Variants in WDHD1 observed in about 807,000 individuals in gnomAD.
The protein encoded by WDHD1 is WD repeat and HMG-box DNA binding protein 1, also known as WD repeat and HMG-box DNA-binding protein 1.
In WDHD1, 111 loss-of-function variants were observed where a neutral mutation model predicts 135.4. The observed-to-expected ratio is 0.82, with a 90% confidence interval of 0.70 to 0.96. The LOEUF is 0.96. Among genes scored for constraint, WDHD1 ranks in the 40% least tolerant of loss-of-function variants. WDHD1 has a pLI of 0.00. For synonymous variants in WDHD1, 434 were observed against 439.0 expected (o/e 0.99, Z 0.14); for missense variants, 1,351 against 1,336.3 (o/e 1.01, Z -0.17).
chr14:54,972,781 T>C (rs1010245639), intron 16 of WDHD1, among the ~76,000 whole-genome samples: 1 of 151,842 alleles, frequency 6.6e-6, no homozygotes, highest in Non-Finnish European at 1.5e-5. Context: ...AAGACTCCAT[T>C]CCAAAAAAGA....
At chr14:54,983,215 T>C (rs1352190545) in intron 15 of WDHD1, among the ~76,000 whole-genome samples, 1 of 151,948 alleles carries the variant, frequency 6.6e-6, no homozygotes, top group Non-Finnish European at 1.5e-5. Context: ...TACTCCTCAG[T>C]GTCTTTCAAA....
chr14:55,002,616 T>A (rs2041995612), intron 7 of WDHD1, among the ~76,000 whole-genome samples: 1 of 146,148 alleles, frequency 6.8e-6, no homozygotes, highest in African/African-American at 2.5e-5. Context: ...ATTACTTTTT[T>A]TTCCCCCAAG....
At position 55,019,574 on chromosome 14, in the gene WDHD1, TAATA is replaced by T. The variant is rs376415698; in HGVS notation, c.78-5982_78-5979del. ...AAGATGTATGGGATTTACTTTAAAA[TAATA>T]AAGAGTAAGGCGGGGTGTGGTGGCT... On this transcript the variant is annotated intron_variant, in intron 2 of 25. Coordinates refer to ENST00000360586, the MANE Select transcript of WDHD1 (RefSeq NM_007086.4). 8.5e-3 allele frequency among the ~76,000 whole-genome samples: 1,292 copies of T among 152,156 alleles called. 16 individuals are homozygous for T. Among genetic ancestry groups the T allele is most frequent in the African/African-American group, 0.03 (1,238 of 41,530 alleles).
At chr14:54,983,404 G>A (rs1185975986) in intron 15 of WDHD1, among the ~76,000 whole-genome samples, 2 of 152,040 alleles carry the variant, frequency 1.3e-5, no homozygotes, top group African/African-American at 2.4e-5. Context: ...TGGGGGCGGT[G>A]GCTCACGCCT....
intron 24 of WDHD1, among the ~76,000 whole-genome samples, chr14:54,954,389 C>G (rs909446513): frequency 6.6e-5 from 10 of 152,298 alleles, no homozygotes; most frequent in African/African-American, 2.2e-4. Context: ...AATAGGAATA[C>G]TCATATTGCT....
Position 54,995,699 on chromosome 14 carries a change from T to A in WDHD1, c.1057A>T (p.Ile353Phe). The change falls in exon 11 of 26, where the codon ATT (isoleucine) becomes TTT (phenylalanine). Residue 353 changes from isoleucine to phenylalanine, a missense_variant. Physicochemically the swap from Ile to Phe is conservative, Grantham distance 21. Coordinates refer to ENST00000360586, the MANE Select transcript of WDHD1 (RefSeq NM_007086.4). ...TCATCATCCTCATCATCATTTATAA[T>A]CCCTTTTGAAAAAGAAGGGATCTCA... ...AVEIPSFSKGIINDDEDDEDL... is the reference protein window; with the variant it reads ...AVEIPSFSKGFINDDEDDEDL... 1.2e-6 allele frequency: 2 copies of A among 1,613,780 alleles called. No homozygotes were observed. Among genetic ancestry groups the A allele is most frequent in the East Asian group, 2.2e-5 (1 of 44,844 alleles).
chr14:54,994,213 T>C (rs572373966), intron 11 of WDHD1, among the ~76,000 whole-genome samples: 2 of 152,356 alleles, frequency 1.3e-5, no homozygotes, highest in East Asian at 3.9e-4. Context: ...CTTTAATAGA[T>C]ACAATACTAT....
At chr14:54,964,394 A>G (rs1308106984) in intron 18 of WDHD1, among the ~76,000 whole-genome samples, 2 of 152,142 alleles carry the variant, frequency 1.3e-5, no homozygotes, top group African/African-American at 2.4e-5. Flanking sequence ...TAATCCTAGC[A>G]CTTTGGGAGA....
intron 25 of WDHD1, 45 bp downstream of exon 25, chr14:54,944,287 T>C (rs755166729): frequency 3.1e-6 from 5 of 1,594,568 alleles, no homozygotes; most frequent in East Asian, 2.3e-5. Flanking sequence ...ATTTTTTAAA[T>C]CTGGGAATTC....
At chr14:54,973,580 A>G (rs1458619054) in intron 16 of WDHD1, among the ~76,000 whole-genome samples, 2 of 152,220 alleles carry the variant, frequency 1.3e-5, no homozygotes, top group African/African-American at 4.8e-5. Flanking sequence ...TCAAGTTTGA[A>G]AGAATCTTGT....
intron 25 of WDHD1, among the ~76,000 whole-genome samples, 172 bp from the exon 26 acceptor site, chr14:54,941,862 C>T (rs2040844136): frequency 6.6e-6 from 1 of 152,146 alleles, no homozygotes; most frequent in African/African-American, 2.4e-5. Context: ...ATGCAGAGCA[C>T]ATTAAAGATT....
intron 5 of WDHD1, 23 bp downstream of exon 5, chr14:55,008,585 A>T: frequency 6.4e-7 from 1 of 1,568,726 alleles, no homozygotes; most frequent in Non-Finnish European, 8.6e-7. Flanking sequence ...AAAAACACAA[A>T]AAGAGAAGGA....
At chr14:54,942,368 C>G (rs1048273002) in intron 25 of WDHD1, among the ~76,000 whole-genome samples, 40 of 152,248 alleles carry the variant, frequency 2.6e-4, no homozygotes, top group African/African-American at 8.4e-4. Context: ...GTAGCCTTCA[C>G]CCAGTTTTCC....
chr14:55,008,199 G>A, intron 6 of WDHD1, 117 bp downstream of exon 6: 1 of 993,036 alleles, frequency 1.0e-6, no homozygotes, highest in Admixed American at 2.4e-5. Context: ...GTATTTAATG[G>A]TACCAAAGAA....
At chr14:54,941,870 A>G (rs2040844178) in intron 25 of WDHD1, among the ~76,000 whole-genome samples, 180 bp from the exon 26 acceptor site, 1 of 152,222 alleles carries the variant, frequency 6.6e-6, no homozygotes, top group African/African-American at 2.4e-5. Context: ...CACATTAAAG[A>G]TTTACACTAC....
At chr14:55,010,684 C>T (rs2042154413) in intron 3 of WDHD1, among the ~76,000 whole-genome samples, 1 of 152,204 alleles carries the variant, frequency 6.6e-6, no homozygotes, top group Non-Finnish European at 1.5e-5. Flanking sequence ...TATCTCTTAG[C>T]CTCTAATTTT....
intron 16 of WDHD1, 100 bp downstream of exon 16, chr14:54,981,440 G>C (rs2041617202): frequency 1.7e-6 from 2 of 1,160,632 alleles, no homozygotes; most frequent in African/African-American, 3.2e-5. Context: ...GCAAGTAATT[G>C]GACTAAGATA....
chr14:55,009,961 C>T lies in WDHD1; in HGVS notation c.341+348G>A, dbSNP rs577209754. ...TCAGCTTCCCGAGTAGCTGGGATTA[C>T]AGGCACCCGCCACCACACCCAGCTA... On this transcript the variant is annotated intron_variant, in intron 4 of 25. Coordinates refer to ENST00000360586, the MANE Select transcript of WDHD1 (RefSeq NM_007086.4). 1.1e-4 allele frequency among the ~76,000 whole-genome samples: 16 copies of T among 151,318 alleles called. No homozygotes were observed. In the East Asian group the frequency reaches 3.1e-3, roughly 30 times the overall value.
intron 21 of WDHD1, among the ~76,000 whole-genome samples, chr14:54,961,289 G>C (rs1210862311): frequency 6.6e-6 from 1 of 151,790 alleles, no homozygotes; most frequent in Non-Finnish European, 1.5e-5. Context: ...TTTGAGACCA[G>C]CCTGGACAAC....
Sources: allele counts gnomAD v4.1 joint callset (sites outside exome capture counted in the v4.1 genomes callset), GRCh38; gene constraint gnomAD v4.1.1; transcripts MANE v1.5; gene names NCBI Gene and HGNC (gene_info 2026-07-23, HGNC 2026-07-21).